The following LYPD6 variants were observed in gnomAD, a reference collection of about 807,000 sequenced individuals.
LYPD6 encodes the protein ly6/PLAUR domain-containing protein 6.
In LYPD6, 15 loss-of-function variants were observed where a neutral mutation model predicts 22.7. The ratio of observed to expected loss-of-function variants is 0.66; its 90% CI spans 0.44 to 1.02. LYPD6 has a LOEUF of 1.02. LYPD6 is among the 50% of genes least tolerant of loss of function. The probability of loss-of-function intolerance (pLI) is 0.00; values close to 1 mark genes in which losing one functional copy is unlikely to be tolerated. For synonymous variants in LYPD6, 72 were observed against 77.5 expected (o/e 0.93, Z 0.37); for missense variants, 189 against 208.4 (o/e 0.91, Z 0.57).
At chr2:149,369,519 T>C (rs1238571555) in intron 1 of LYPD6, among the ~76,000 whole-genome samples, 1 of 152,114 alleles carries the variant, frequency 6.6e-6, no homozygotes, top group Non-Finnish European at 1.5e-5. Context: ...GCGTTTCATC[T>C]TGGAAAGGTG....
intron 1 of LYPD6, among the ~76,000 whole-genome samples, chr2:149,369,632 G>A (rs1159639512): frequency 6.6e-6 from 1 of 152,098 alleles, no homozygotes; most frequent in African/African-American, 2.4e-5. Flanking sequence ...TCTACCATGG[G>A]CAGCTGAAAT....
At chr2:149,385,940 G>A (rs1682174767) in intron 1 of LYPD6, among the ~76,000 whole-genome samples, 1 of 152,054 alleles carries the variant, frequency 6.6e-6, no homozygotes, top group Admixed American at 6.6e-5. Context: ...CTTGGGTCTG[G>A]AACACTGCTA....
intron 1 of LYPD6, among the ~76,000 whole-genome samples, chr2:149,334,271 A>G (rs954898327): frequency 2.6e-5 from 4 of 152,226 alleles, no homozygotes; most frequent in African/African-American, 4.8e-5. Flanking sequence ...AATCCTTGCA[A>G]TGGATTTCCA....
At chr2:149,337,393 A>G (rs1681054703) in intron 1 of LYPD6, among the ~76,000 whole-genome samples, 1 of 152,168 alleles carries the variant, frequency 6.6e-6, no homozygotes, top group Non-Finnish European at 1.5e-5. Context: ...CCCCTGGGCC[A>G]CAAAAGTGGT....
At chr2:149,379,891 G>T (rs1374344052) in intron 1 of LYPD6, among the ~76,000 whole-genome samples, 1 of 152,176 alleles carries the variant, frequency 6.6e-6, no homozygotes, top group East Asian at 1.9e-4. Flanking sequence ...AACTGACAGT[G>T]AGCAAGATAA....
chr2:149,412,375 T>G (rs921173075), intron 1 of LYPD6, among the ~76,000 whole-genome samples: 1 of 151,838 alleles, frequency 6.6e-6, no homozygotes, highest in African/African-American at 2.4e-5. Context: ...TTTTTTTTTG[T>G]GGACTGGTGT....
chr2:149,379,403 C>T (rs749443309), intron 1 of LYPD6, among the ~76,000 whole-genome samples: 8 of 152,108 alleles, frequency 5.3e-5, no homozygotes, highest in Non-Finnish European at 1.0e-4. Flanking sequence ...TAAATGTTTA[C>T]GCTTAAATTT....
rs1683462300 is a variant in LYPD6 at position 149,437,657 on chromosome 2, G to A, written c.-52G>A. ...TTTCAGGTGCAAGTTCTCTCCTGTTGCCCTGAGTGCCCACTCCCAGGCCCT... is the reference window on the plus strand; with the variant it reads ...TTTCAGGTGCAAGTTCTCTCCTGTTACCCTGAGTGCCCACTCCCAGGCCCT... On this transcript the variant is annotated 5_prime_UTR_variant, in exon 2 of 5. Transcript: ENST00000334166. 7 of 1,605,170 alleles carry A rather than the reference G, an allele frequency of 4.4e-6. No homozygotes were observed. The highest frequency in any genetic ancestry group is 6.0e-6 in the Non-Finnish European group (7 of 1,174,704).
At chr2:149,409,911 C>T (rs1682815966) in intron 1 of LYPD6, among the ~76,000 whole-genome samples, 1 of 152,140 alleles carries the variant, frequency 6.6e-6, no homozygotes, top group African/African-American at 2.4e-5. Context: ...GGGCCTGCAG[C>T]AGTGATTCAG....
At chr2:149,447,258 T>C (rs1382184607) in intron 2 of LYPD6, among the ~76,000 whole-genome samples, 2 of 152,178 alleles carry the variant, frequency 1.3e-5, no homozygotes, top group African/African-American at 4.8e-5. Context: ...AGAGAAGGCC[T>C]TGGGTGCCCG....
chr2:149,446,596 A>G (rs751487470), intron 2 of LYPD6, among the ~76,000 whole-genome samples: 1 of 152,202 alleles, frequency 6.6e-6, no homozygotes, highest in Non-Finnish European at 1.5e-5. Context: ...TTCCTCATGA[A>G]AATGGAGTGG....
At chr2:149,405,658 A>G (rs1028428244) in intron 1 of LYPD6, among the ~76,000 whole-genome samples, 1 of 152,228 alleles carries the variant, frequency 6.6e-6, no homozygotes, top group Non-Finnish European at 1.5e-5. Context: ...TGGTCTATCA[A>G]TTTTGTTGAT....
chr2:149,405,725 C>G (rs1478181557), intron 1 of LYPD6, among the ~76,000 whole-genome samples: 2 of 151,966 alleles, frequency 1.3e-5, no homozygotes, highest in Non-Finnish European at 2.9e-5. Context: ...TTTTGTGTCT[C>G]TATTTCCTTC....
chr2:149,483,624 A>C, the LYPD6 span, among the ~76,000 whole-genome samples: 185 of 152,328 alleles, frequency 1.2e-3, no homozygotes, highest in African/African-American at 4.3e-3. Flanking sequence ...GTTAAAAAAA[A>C]TAGATTTTAA....
chr2:149,356,085 C>CTT (rs75939577), intron 1 of LYPD6, among the ~76,000 whole-genome samples: 6 of 144,082 alleles, frequency 4.2e-5, no homozygotes, highest in Non-Finnish European at 7.6e-5. Context: ...TCTTTTCCCA[C>CTT]TTTTTTTTTT....
chr2:149,403,029 T>C (rs946001803), intron 1 of LYPD6, among the ~76,000 whole-genome samples: 1 of 152,078 alleles, frequency 6.6e-6, no homozygotes, highest in African/African-American at 2.4e-5. Context: ...TGATTTCCAA[T>C]TTCATCCATG....
chr2:149,468,791 C>G lies in LYPD6; in HGVS notation c.348+16C>G, dbSNP rs776335137. 5.0e-6 allele frequency: 8 copies of G among 1,612,372 alleles called. No homozygotes were observed. The highest frequency in any genetic ancestry group is 6.8e-6 in the Non-Finnish European group (8 of 1,179,320). ...AGGCCACAAGGTCTGGGCAACAGAG[C>G]AAGTGACCAGTACTACATAGCCAGC... On this transcript the variant is annotated intron_variant, in intron 4 of 4. Transcript: ENST00000334166.
chr2:149,426,781 A>G (rs1003050743), intron 1 of LYPD6, among the ~76,000 whole-genome samples: 4 of 152,222 alleles, frequency 2.6e-5, no homozygotes, highest in African/African-American at 9.6e-5. Flanking sequence ...GAGGGGTGTC[A>G]GGAAGGGCAG....
intron 1 of LYPD6, among the ~76,000 whole-genome samples, chr2:149,376,768 G>A (rs1200734434): frequency 6.6e-6 from 1 of 152,190 alleles, no homozygotes; most frequent in Non-Finnish European, 1.5e-5. Context: ...CTTATAAAGT[G>A]TAGAAAGATT....
Sources: gnomAD v4.1 joint callset for allele counts (sites outside exome capture counted in the v4.1 genomes callset) on GRCh38, gnomAD v4.1.1 for gene constraint, MANE v1.5 for transcripts, NCBI Gene and HGNC (gene_info 2026-07-23, HGNC 2026-07-21) for gene names.